Variants in FLRT2 observed in about 807,000 individuals in gnomAD.
FLRT2 encodes leucine-rich repeat transmembrane protein FLRT2.
FLRT2 carries 15 observed loss-of-function variants against 40.0 expected under a neutral mutation model. The observed-to-expected ratio is 0.38, with a 90% CI of 0.25 to 0.58. FLRT2 has a LOEUF of 0.58. FLRT2 is among the 20% of genes least tolerant of loss of function. The probability of loss-of-function intolerance (pLI) is 0.71; values close to 1 mark genes in which losing one functional copy is unlikely to be tolerated. For synonymous variants in FLRT2, 380 were observed against 336.8 expected (o/e 1.13, Z -1.41); for missense variants, 726 against 840.0 (o/e 0.86, Z 1.68).
At chr14:85,604,656 G>T (rs1171853707) in intron 1 of FLRT2, among the ~76,000 whole-genome samples, 3 of 151,998 alleles carry the variant, frequency 2.0e-5, no homozygotes, top group African/African-American at 7.2e-5. Context: ...TTAAAACTGA[G>T]AAGATTTTTT....
chr14:85,613,754 G>A (rs1893002219), intron 1 of FLRT2, among the ~76,000 whole-genome samples: 1 of 152,156 alleles, frequency 6.6e-6, no homozygotes, highest in African/African-American at 2.4e-5. Context: ...CAGAGAAGCA[G>A]GACAGAGGTT....
chr14:85,650,145 G>A lies in FLRT2; in HGVS notation c.*26648G>A, dbSNP rs574685303. 7 of 151,896 alleles carry A rather than the reference G, an allele frequency of 4.6e-5. 1 individual carries two copies. Among genetic ancestry groups the A allele is most frequent in the Non-Finnish European group, 1.0e-4 (7 of 67,910 alleles). 9.4% of individuals were successfully genotyped at this position (151,896 alleles called of 1,614,324 possible). ...TGTCAAATACTTACTACGTTCATAT[G>A]TATTGATGTACAGTATAGCCTTATT... On this transcript the variant is annotated 3_prime_UTR_variant, in exon 2 of 2. Transcript: ENST00000330753.
intron 1 of FLRT2, among the ~76,000 whole-genome samples, chr14:85,619,728 G>T (rs193239574): frequency 6.6e-6 from 1 of 152,176 alleles, no homozygotes; most frequent in East Asian, 1.9e-4. Flanking sequence ...CTTGCAGTTC[G>T]CCATGTCCTG....
intron 1 of FLRT2, among the ~76,000 whole-genome samples, chr14:85,603,433 T>C (rs1244958224): frequency 6.6e-6 from 1 of 152,228 alleles, no homozygotes; most frequent in Admixed American, 6.5e-5. Context: ...AAAGAATAGC[T>C]GTGTCTGACT....
At position 85,647,880 on chromosome 14, in the gene FLRT2, A is replaced by G. The variant is rs2638797; in HGVS notation, c.*24383A>G. The G allele has an allele frequency of 0.19, 28,810 of 152,064 alleles. 2,906 individuals carry two copies. Among genetic ancestry groups the G allele is most frequent in the African/African-American group, 0.25 (10,164 of 41,458 alleles). 9.4% of individuals were successfully genotyped at this position (152,064 alleles called of 1,614,324 possible). On this transcript the variant is annotated 3_prime_UTR_variant, in exon 2 of 2. Coordinates refer to ENST00000330753, the MANE Select transcript of FLRT2 (RefSeq NM_013231.6). ...TAGGTGAGGTCAAAAGTAATATGAA[A>G]TAGGAAGAGGATAAACAGTGTCATA...
chr14:85,565,328 C>T (rs1232462655), intron 1 of FLRT2, among the ~76,000 whole-genome samples: 1 of 152,044 alleles, frequency 6.6e-6, no homozygotes, highest in Non-Finnish European at 1.5e-5. Flanking sequence ...CACTTGTGTG[C>T]TGCTATTTGT....
At chr14:85,533,950 G>A (rs1888473510) in intron 1 of FLRT2, among the ~76,000 whole-genome samples, 1 of 152,164 alleles carries the variant, frequency 6.6e-6, no homozygotes, top group African/African-American at 2.4e-5. Context: ...GCGCTGAGCG[G>A]GATTACCACC....
chr14:85,556,012 G>A (rs1339466465), intron 1 of FLRT2, among the ~76,000 whole-genome samples: 2 of 152,184 alleles, frequency 1.3e-5, no homozygotes, highest in African/African-American at 2.4e-5. Flanking sequence ...TGTTAGTATA[G>A]TACAGACGGA....
At chr14:85,579,339 A>G (rs192035068) in intron 1 of FLRT2, among the ~76,000 whole-genome samples, 40 of 152,234 alleles carry the variant, frequency 2.6e-4, no homozygotes, top group African/African-American at 9.4e-4. Context: ...GACCGGGGGA[A>G]TTGGTCTGGC....
intron 1 of FLRT2, among the ~76,000 whole-genome samples, chr14:85,546,612 A>G (rs539099298): frequency 1.4e-4 from 22 of 152,338 alleles, no homozygotes; most frequent in African/African-American, 5.3e-4. Context: ...AATTGGGTAG[A>G]ACCGAAACGC....
At chr14:85,580,665 G>C (rs1011198863) in intron 1 of FLRT2, among the ~76,000 whole-genome samples, 10 of 152,168 alleles carry the variant, frequency 6.6e-5, no homozygotes, top group African/African-American at 2.4e-4. Context: ...ACATATTCCT[G>C]CTATATGATG....
rs1595108121 is a variant in FLRT2, at chr14:85,635,213, C to T, written c.*11716C>T. 6.6e-6 allele frequency: 1 copy of T among 152,104 alleles called. No individual in the cohort carries two copies. Among genetic ancestry groups the T allele is most frequent in the Middle Eastern group, 3.2e-3 (1 of 316 alleles). 9.4% of individuals were successfully genotyped at this position (152,104 alleles called of 1,614,324 possible). ...GTATCTGTGTGATATTATTTAATGT[C>T]CCTAAGCCTCAGTTTCCTCATATAT... is the stretch of plus-strand genomic sequence containing the variant. On this transcript the variant is annotated 3_prime_UTR_variant, in exon 2 of 2. Coordinates refer to ENST00000330753, the MANE Select transcript of FLRT2 (RefSeq NM_013231.6).
intron 1 of FLRT2, among the ~76,000 whole-genome samples, chr14:85,535,345 G>GC (rs767334797): frequency 0.015 from 1,027 of 67,546 alleles, 12 homozygotes; most frequent in African/African-American, 0.04. Flanking sequence ...CCAATGAAAA[G>GC]CCCCCCCCCA....
chr14:85,612,020 G>T (rs1452117733), intron 1 of FLRT2, among the ~76,000 whole-genome samples: 5 of 135,944 alleles, frequency 3.7e-5, no homozygotes, highest in African/African-American at 1.1e-4. Flanking sequence ...TATGCACAAG[G>T]CCTGGGTGAC....
At chr14:85,559,382 G>C (rs1423113599) in intron 1 of FLRT2, 2 of 152,212 alleles carry the variant, frequency 1.3e-5, no homozygotes, top group African/African-American at 4.8e-5. Flanking sequence ...ACATGGATTA[G>C]CTGAGCAGAA....
intron 1 of FLRT2, among the ~76,000 whole-genome samples, chr14:85,570,598 T>TTTAC (rs1890846399): frequency 6.9e-6 from 1 of 145,720 alleles, no homozygotes; most frequent in South Asian, 2.2e-4. Flanking sequence ...TATTTATTTA[T>TTTAC]TGAGACAGAA....
rs539553533 is a variant in FLRT2, at chr14:85,647,690, C to G, written c.*24193C>G. On this transcript the variant is annotated 3_prime_UTR_variant, in exon 2 of 2. Transcript: ENST00000330753. Reference sequence around the variant, plus strand: ...CTACAAAGAGATGTATGTATGGGACCCAGGGAATTTTACAGAAACATCTCT... The same window carrying G: ...CTACAAAGAGATGTATGTATGGGACGCAGGGAATTTTACAGAAACATCTCT... The G allele has an allele frequency of 2.6e-5, 4 of 152,108 alleles. No homozygotes were observed. The East Asian group carries it at 7.7e-4, about 29-fold the overall frequency. 9.4% of individuals were successfully genotyped at this position (152,108 alleles called of 1,614,324 possible).
Position 85,627,320 on chromosome 14 carries a change from C to T in FLRT2, c.*3823C>T, listed in dbSNP as rs1893727575. 1 of 167,006 alleles carries T rather than the reference C, an allele frequency of 6.0e-6. No homozygotes were observed. The highest frequency in any genetic ancestry group is 1.5e-5 in the Non-Finnish European group (1 of 68,118). The allele number at this position is 167,006 out of a possible 1,614,324, so 10.3% of individuals were successfully genotyped here. A position where few individuals can be genotyped will look rare whatever the true frequency, so the allele number is the denominator to read the frequency against. Reference sequence around the variant, plus strand: ...CCTTGCCTGATGCTCTTTCTAAAGTCAAAATATGAATGCTAAGAAGGCATA... The same window carrying T: ...CCTTGCCTGATGCTCTTTCTAAAGTTAAAATATGAATGCTAAGAAGGCATA... On this transcript the variant is annotated 3_prime_UTR_variant, in exon 2 of 2. Coordinates refer to ENST00000330753, the MANE Select transcript of FLRT2 (RefSeq NM_013231.6).
At chr14:85,584,545 C>G (rs1891530349) in intron 1 of FLRT2, among the ~76,000 whole-genome samples, 1 of 152,190 alleles carries the variant, frequency 6.6e-6, no homozygotes, top group South Asian at 2.1e-4. Flanking sequence ...TGGTGTCTTT[C>G]AGGACATGAC....
Sources: gnomAD v4.1 joint callset for allele counts (sites outside exome capture counted in the v4.1 genomes callset) on GRCh38, gnomAD v4.1.1 for gene constraint, MANE v1.5 for transcripts, NCBI Gene and HGNC (gene_info 2026-07-23, HGNC 2026-07-21) for gene names.